Variants in SLC30A9 observed in about 807,000 individuals in gnomAD.
SLC30A9 encodes the protein proton-coupled zinc antiporter SLC30A9, mitochondrial.
Under a neutral mutation model 87.5 loss-of-function variants are expected in SLC30A9, and 58 were observed. That is an observed-to-expected ratio of 0.66 (90% CI 0.54 to 0.82). SLC30A9 has a LOEUF of 0.82. Ranked by LOEUF, SLC30A9 falls within the 40% of genes least tolerant of loss-of-function variation. SLC30A9 has a pLI of 0.00. For missense variants in SLC30A9, 557 were observed against 679.1 expected, an observed-to-expected ratio of 0.82 and a Z score of 2.00; for synonymous variants, 234 against 233.0, an observed-to-expected ratio of 1.00 and a Z score of -0.04.
chr4:42,023,160 G>T, intron 5 of SLC30A9, 142 bp from the exon 6 acceptor site: 2 of 679,414 alleles, frequency 2.9e-6, no homozygotes, highest in Non-Finnish European at 2.6e-6. Context: ...ATTTCATTTG[G>T]AAAAGTTCCT....
Position 42,087,251 on chromosome 4 carries a change from A to C in SLC30A9, c.*1125A>C, listed in dbSNP as rs1032036067. 2 of 152,222 alleles carry C rather than the reference A, an allele frequency of 1.3e-5. No homozygotes were observed. The highest frequency in any genetic ancestry group is 1.9e-4 in the East Asian group (1 of 5,204). The allele number at this position is 152,222 out of a possible 1,614,324, so 9.4% of individuals were successfully genotyped here. ...CCTAAGTTATCAAGGTGGAAAAAAA[A>C]CATGCAATTCAGTAATTGAAAATGT... On this transcript the variant is annotated 3_prime_UTR_variant, in exon 18 of 18. Transcript: ENST00000264451.
Position 42,089,474 on chromosome 4 carries a change from G to C in SLC30A9, c.*3348G>C, listed in dbSNP as rs10938178. The C allele has an allele frequency of 0.6, 90,789 of 151,944 alleles. 32,802 individuals carry two copies. Among genetic ancestry groups the C allele is most frequent in the East Asian group, 0.95 (4,948 of 5,184 alleles). 9.4% of individuals were successfully genotyped at this position (151,944 alleles called of 1,614,324 possible). A position where few individuals can be genotyped will look rare whatever the true frequency, so the allele number is the denominator to read the frequency against. On this transcript the variant is annotated 3_prime_UTR_variant, in exon 18 of 18. Transcript: ENST00000264451. ...AGTTTCGTTCTTGTTGCCCAGGCTG[G>C]AGTGCACTGGCACAATTGCAGCTCA...
chr4:42,034,435 AC>A (rs1009608188), intron 6 of SLC30A9, among the ~76,000 whole-genome samples: 2 of 81,496 alleles, frequency 2.5e-5, no homozygotes, highest in African/African-American at 5.5e-5. Context: ...TTTCCCTGCC[AC>A]CCCCCGGTCC....
chr4:42,067,320 A>G, intron 14 of SLC30A9, 128 bp downstream of exon 14: 4 of 610,900 alleles, frequency 6.5e-6, no homozygotes. Context: ...ATTCCTACTA[A>G]TCATTGACTT....
intron 2 of SLC30A9, among the ~76,000 whole-genome samples, chr4:42,014,754 C>G (rs548571181): frequency 6.6e-5 from 10 of 152,174 alleles, no homozygotes; most frequent in African/African-American, 2.4e-4. Context: ...TCATTTGCAG[C>G]AATACGGATG....
intron 6 of SLC30A9, chr4:42,029,507 G>A (rs1716332407): frequency 1.5e-6 from 1 of 676,120 alleles, no homozygotes; most frequent in African/African-American, 1.8e-5. Flanking sequence ...CCCAAGCACT[G>A]TGAGGCATAT....
At chr4:42,005,506 C>T (rs1349719066) in intron 2 of SLC30A9, among the ~76,000 whole-genome samples, 1 of 152,216 alleles carries the variant, frequency 6.6e-6, no homozygotes, top group East Asian at 1.9e-4. Flanking sequence ...ATAGTGATCC[C>T]ATGGCTGTGG....
rs190586711 is a variant in SLC30A9, at chr4:42,021,659, C to T, written c.434+1144C>T. Among the ~76,000 whole-genome samples the T allele has an allele frequency of 4.0e-4, 61 of 152,266 alleles. 1 individual carries two copies. The highest frequency in any genetic ancestry group is 4.0e-3 in the Admixed American group (61 of 15,296). On this transcript the variant is annotated intron_variant, in intron 4 of 17. Coordinates refer to ENST00000264451, the MANE Select transcript of SLC30A9 (RefSeq NM_006345.4). ...GATATTACCACTTAGTATTAATCTACATATAAACAAATAATGACTGTAAAT... is the reference window on the plus strand; with the variant it reads ...GATATTACCACTTAGTATTAATCTATATATAAACAAATAATGACTGTAAAT...
intron 1 of SLC30A9, among the ~76,000 whole-genome samples, chr4:41,994,139 G>A (rs1216304013): frequency 2.7e-5 from 4 of 149,070 alleles, no homozygotes; most frequent in African/African-American, 9.8e-5. Context: ...CCTGGGCGAC[G>A]AGCGAAACTC....
At chr4:42,049,345 C>G (rs762884574) in intron 8 of SLC30A9, 32 bp from the exon 9 acceptor site, 1 of 1,446,742 alleles carries the variant, frequency 6.9e-7, no homozygotes, top group Non-Finnish European at 9.6e-7. Flanking sequence ...TTGTCCAAAC[C>G]TATGCTAAAT....
intron 8 of SLC30A9, among the ~76,000 whole-genome samples, chr4:42,047,411 G>C (rs1477427330): frequency 6.6e-6 from 1 of 152,176 alleles, no homozygotes; most frequent in African/African-American, 2.4e-5. Context: ...ATCAAAAAGT[G>C]GGTGAAGGAT....
rs1320733590 is a variant in SLC30A9 at position 42,032,321 on chromosome 4, A to G, written c.611-2954A>G. On this transcript the variant is annotated intron_variant, in intron 6 of 17. Transcript: ENST00000264451. Reference sequence around the variant, plus strand: ...AGCCCTCTTCGAAAAAAGTTTGCCAACCCTATTTCAATGGTTTCGTTAGGA... The same window carrying G: ...AGCCCTCTTCGAAAAAAGTTTGCCAGCCCTATTTCAATGGTTTCGTTAGGA... Among the ~76,000 whole-genome samples, 4 of 152,030 alleles carry G rather than the reference A, an allele frequency of 2.6e-5. No individual in the cohort carries two copies. The East Asian group carries it at 5.8e-4, about 22-fold the overall frequency.
intron 16 of SLC30A9, 32 bp from the exon 17 acceptor site, chr4:42,078,180 A>C (rs758115465): frequency 1.7e-6 from 2 of 1,149,578 alleles, no homozygotes; most frequent in South Asian, 1.4e-5. Flanking sequence ...GTTTTTTAAA[A>C]ATTTATTTTC....
At chr4:42,011,822 A>G (rs946397719) in intron 2 of SLC30A9, among the ~76,000 whole-genome samples, 1 of 152,208 alleles carries the variant, frequency 6.6e-6, no homozygotes, top group African/African-American at 2.4e-5. Context: ...AACCAGAGCA[A>G]ATAATTAGGA....
intron 2 of SLC30A9, among the ~76,000 whole-genome samples, chr4:42,004,194 T>C (rs1267170588): frequency 6.6e-6 from 1 of 152,236 alleles, no homozygotes; most frequent in Non-Finnish European, 1.5e-5. Context: ...CCTTTGTTTG[T>C]ATATTTTTTC....
At chr4:42,082,216 CA>C (rs372152135) in intron 17 of SLC30A9, among the ~76,000 whole-genome samples, 80 of 136,518 alleles carry the variant, frequency 5.9e-4, no homozygotes, top group African/African-American at 2.0e-3. Context: ...GACTCCGTCT[CA>C]AAAAAAAAAA....
intron 6 of SLC30A9, among the ~76,000 whole-genome samples, chr4:42,026,016 A>G (rs532101418): frequency 6.6e-6 from 1 of 152,066 alleles, no homozygotes; most frequent in Admixed American, 6.5e-5. Flanking sequence ...TACAGTGGCT[A>G]TTCTCAGGTG....
intron 7 of SLC30A9, among the ~76,000 whole-genome samples, chr4:42,036,094 C>T (rs1386374490): frequency 2.6e-5 from 4 of 152,244 alleles, no homozygotes; most frequent in African/African-American, 9.6e-5. Context: ...AATGGATACT[C>T]AATATTATTT....
At chr4:42,048,317 G>A (rs1560550887) in intron 8 of SLC30A9, among the ~76,000 whole-genome samples, 2 of 152,060 alleles carry the variant, frequency 1.3e-5, no homozygotes, top group Non-Finnish European at 2.9e-5. Context: ...ATATTTCCAG[G>A]AATTTAGTAG....
Sources: gnomAD v4.1 joint callset for allele counts (sites outside exome capture counted in the v4.1 genomes callset) on GRCh38, gnomAD v4.1.1 for gene constraint, MANE v1.5 for transcripts, NCBI Gene and HGNC (gene_info 2026-07-23, HGNC 2026-07-21) for gene names.